PGR: variants seen among roughly 807,000 people sequenced by gnomAD.
PGR encodes nuclear receptor subfamily 3 group C member 3.
A neutral mutation model predicts 76.1 loss-of-function variants in PGR; 25 were observed. That is an observed-to-expected ratio of 0.33 (90% confidence interval 0.24 to 0.46). PGR has a LOEUF of 0.46. Among genes scored for constraint, PGR ranks in the 20% least tolerant of loss-of-function variants. PGR has a pLI of 1.00. For synonymous variants in PGR, 579 were observed against 535.0 expected (o/e 1.08, Z -1.14); for missense variants, 1,172 against 1,225.3 (o/e 0.96, Z 0.65).
chr11:101,041,347 C>A (rs894892784), intron 7 of PGR, among the ~76,000 whole-genome samples: 6 of 152,004 alleles, frequency 3.9e-5, no homozygotes, highest in Admixed American at 3.9e-4. Context: ...TTTCATATAT[C>A]TTGACAAACC....
chr11:101,038,656 T>C lies in PGR; in HGVS notation c.*460A>G, dbSNP rs958451975. 4.3e-6 allele frequency: 1 copy of C among 232,152 alleles called. No individual in the cohort carries two copies. Among genetic ancestry groups the C allele is most frequent in the African/African-American group, 2.2e-5 (1 of 45,292 alleles). The allele number at this position is 232,152 out of a possible 1,614,324, so 14.4% of individuals were successfully genotyped here. A position where few individuals can be genotyped will look rare whatever the true frequency, so the allele number is the denominator to read the frequency against. ...TATGAATTTCCTCCTCACACAAATA[T>C]ATATAGACAAAATTTTGCATACCAT... On this transcript the variant is annotated 3_prime_UTR_variant, in exon 8 of 8. Transcript: ENST00000325455.
In PGR at chr11:101,107,865, T is replaced by TAAAAAAAAA. The variant is rs56355097; in HGVS notation, c.1790-15998_1790-15990dup. On this transcript the variant is annotated intron_variant, in intron 2 of 7. Coordinates refer to ENST00000325455, the MANE Select transcript of PGR (RefSeq NM_000926.4). The stretch of plus-strand genomic sequence containing the variant: ...CCAGTCTTACTTGAAACTGGCTTTG[T>TAAAAAAAAA]AAAAAAAAAAAAAAAGAAAGAAAAA... Among the ~76,000 whole-genome samples, 64 of 119,206 alleles carry TAAAAAAAAA rather than the reference T, an allele frequency of 5.4e-4. 1 individual carries two copies. The highest frequency in any genetic ancestry group is 4.5e-3 in the Middle Eastern group (1 of 222). 78.2% of individuals were successfully genotyped at this position (119,206 alleles called of 152,430 possible). A position where few individuals can be genotyped will look rare whatever the true frequency, so the allele number is the denominator to read the frequency against.
chr11:101,113,725 A>G (rs895750265), intron 2 of PGR, among the ~76,000 whole-genome samples: 5 of 152,168 alleles, frequency 3.3e-5, no homozygotes, highest in African/African-American at 9.7e-5. Flanking sequence ...ATGAGATAGT[A>G]AACAATTCCA....
chr11:101,123,679 A>G (rs1263045811), intron 2 of PGR, among the ~76,000 whole-genome samples: 2 of 152,206 alleles, frequency 1.3e-5, no homozygotes, highest in East Asian at 1.9e-4. Context: ...TCAAATGTTC[A>G]TATCTTCCAT....
At chr11:101,062,376 T>C in intron 4 of PGR, 71 bp downstream of exon 4, 1 of 1,164,878 alleles carries the variant, frequency 8.6e-7, no homozygotes, top group East Asian at 2.5e-5. Context: ...GAGTGTTTTA[T>C]TTAACAATGT....
At chr11:101,121,403 T>C (rs492284) in intron 2 of PGR, among the ~76,000 whole-genome samples, 1,749 of 152,284 alleles carry the variant, frequency 0.011, 41 homozygotes, top group African/African-American at 0.039. Context: ...TGATGAAAAA[T>C]TGGATGTTCA....
At chr11:101,093,683 T>G (rs1196459946) in intron 2 of PGR, among the ~76,000 whole-genome samples, 1 of 152,126 alleles carries the variant, frequency 6.6e-6, no homozygotes, top group African/African-American at 2.4e-5. Context: ...GGTCTCGAAC[T>G]CCCAACCTCA....
At position 101,073,268 on chromosome 11, in the gene PGR, G is replaced by T. The variant is rs1861009769; in HGVS notation, c.1907-10516C>A. 7.2e-5 allele frequency among the ~76,000 whole-genome samples: 11 copies of T among 152,116 alleles called. 1 individual carries two copies. Reference sequence around the variant, plus strand: ...TAAGGCAGAAATAAATAAGTTATTTGAAACCAATGAGAACAAAGACACAAC... The same window carrying T: ...TAAGGCAGAAATAAATAAGTTATTTTAAACCAATGAGAACAAAGACACAAC... On this transcript the variant is annotated intron_variant, in intron 3 of 7. Coordinates refer to ENST00000325455, the MANE Select transcript of PGR (RefSeq NM_000926.4).
At chr11:101,061,492 G>T (rs1481175622) in intron 4 of PGR, among the ~76,000 whole-genome samples, 1 of 152,054 alleles carries the variant, frequency 6.6e-6, no homozygotes, top group Non-Finnish European at 1.5e-5. Flanking sequence ...TAATAACTGA[G>T]AATTATATTA....
intron 2 of PGR, among the ~76,000 whole-genome samples, chr11:101,109,420 GC>G (rs1288266131): frequency 6.6e-6 from 1 of 151,996 alleles, no homozygotes; most frequent in East Asian, 1.9e-4. Flanking sequence ...TGATAAGAAA[GC>G]AAAAAAACAA....
intron 2 of PGR, among the ~76,000 whole-genome samples, chr11:101,110,982 T>C (rs191149457): frequency 2.6e-5 from 4 of 152,346 alleles, no homozygotes; most frequent in Admixed American, 2.6e-4. Flanking sequence ...GGTATGTACA[T>C]TGTTTATTTA....
intron 2 of PGR, among the ~76,000 whole-genome samples, chr11:101,100,470 G>T (rs964841333): frequency 6.6e-6 from 1 of 152,078 alleles, no homozygotes; most frequent in African/African-American, 2.4e-5. Context: ...GACTAATACG[G>T]TTAGTGGAAT....
At chr11:101,074,170 A>G (rs1324273532) in intron 3 of PGR, among the ~76,000 whole-genome samples, 2 of 152,172 alleles carry the variant, frequency 1.3e-5, no homozygotes, top group Non-Finnish European at 2.9e-5. Flanking sequence ...GCCTGGATCA[A>G]CATACGCACA....
At chr11:101,114,499 A>C (rs565437350) in intron 2 of PGR, among the ~76,000 whole-genome samples, 30 of 152,294 alleles carry the variant, frequency 2.0e-4, no homozygotes, top group African/African-American at 6.7e-4. Context: ...TTTGAAATTA[A>C]ACTACTTCTC....
intron 2 of PGR, among the ~76,000 whole-genome samples, chr11:101,124,935 A>G (rs547553754): frequency 1.3e-5 from 2 of 152,244 alleles, no homozygotes; most frequent in Admixed American, 1.3e-4. Flanking sequence ...AATATTTGTT[A>G]TGAAGAACTC....
intron 2 of PGR, among the ~76,000 whole-genome samples, chr11:101,095,026 A>G (rs1235662196): frequency 6.6e-6 from 1 of 152,194 alleles, no homozygotes; most frequent in Non-Finnish European, 1.5e-5. Context: ...TGGACTTCTC[A>G]GCCTTTAGAA....
chr11:101,097,127 ACTGAT>A (rs2135464362), intron 2 of PGR, among the ~76,000 whole-genome samples: 1 of 152,182 alleles, frequency 6.6e-6, no homozygotes, highest in East Asian at 1.9e-4. Context: ...TCCTTGCAAA[ACTGAT>A]CTATTTTAGG....
intron 3 of PGR, among the ~76,000 whole-genome samples, chr11:101,077,551 C>T (rs188008336): frequency 2.6e-5 from 4 of 152,178 alleles, no homozygotes; most frequent in Non-Finnish European, 5.9e-5. Flanking sequence ...TATTTGAACC[C>T]CTCAATTCTA....
intron 3 of PGR, among the ~76,000 whole-genome samples, chr11:101,085,763 A>G (rs991642371): frequency 3.3e-5 from 5 of 152,172 alleles, no homozygotes; most frequent in African/African-American, 1.2e-4. Context: ...GACAAAGGTG[A>G]CATCACAACT....
Sources: gnomAD v4.1 joint callset for allele counts (sites outside exome capture counted in the v4.1 genomes callset) on GRCh38, gnomAD v4.1.1 for gene constraint, MANE v1.5 for transcripts, NCBI Gene and HGNC (gene_info 2026-07-23, HGNC 2026-07-21) for gene names.